GPI: variants seen among roughly 807,000 people sequenced by gnomAD.
The protein encoded by GPI is glucose-6-phosphate isomerase, also known as D-hexose-6-phosphate anomerase.
A neutral mutation model predicts 75.8 loss-of-function variants in GPI; 56 were observed. The ratio of observed to expected loss-of-function variants is 0.74; its 90% CI spans 0.60 to 0.92. The LOEUF (loss-of-function observed/expected upper bound fraction) is 0.92, where lower values mean the gene tolerates loss of function less well. Ranked by LOEUF, GPI falls within the 40% of genes least tolerant of loss-of-function variation. The probability of loss-of-function intolerance (pLI) is 0.00; values close to 1 mark genes in which losing one functional copy is unlikely to be tolerated. For synonymous variants in GPI, 288 were observed against 285.4 expected (o/e 1.01, Z -0.09); for missense variants, 638 against 741.0 (o/e 0.86, Z 1.61).
At chr19:34,361,447 C>T (rs1403165906), upstream of GPI, among the ~76,000 whole-genome samples, 2 of 152,072 alleles carry the variant, frequency 1.3e-5, no homozygotes, top group African/African-American at 2.4e-5. Flanking sequence ...GGGTATCCTT[C>T]ATAGGACTGC....
At chr19:34,374,705 C>A (rs901932746) in intron 4 of GPI, among the ~76,000 whole-genome samples, 7 of 150,962 alleles carry the variant, frequency 4.6e-5, no homozygotes, top group African/African-American at 1.7e-4. Context: ...TATTTCTTTT[C>A]TTTTCTTTCT....
At chr19:34,386,796 C>T (rs1299311027) in intron 9 of GPI, among the ~76,000 whole-genome samples, 5 of 152,078 alleles carry the variant, frequency 3.3e-5, no homozygotes, top group Admixed American at 2.6e-4. Context: ...GTCATTGGTG[C>T]GTGGTTCTGG....
intron 9 of GPI, among the ~76,000 whole-genome samples, chr19:34,390,829 C>A (rs1028371144): frequency 6.9e-6 from 1 of 144,506 alleles, no homozygotes; most frequent in South Asian, 2.3e-4. Flanking sequence ...TCTGGGTCTT[C>A]CAGTGTCTGA....
At position 34,380,958 on chromosome 19, in the gene GPI, G is replaced by A; in HGVS notation, c.751-508G>A. On this transcript the variant is annotated intron_variant, in intron 8 of 17. Transcript: ENST00000356487. ...AATTGCTGGCCCTGTCTGCCCTGGG[G>A]ACCAGAATACCTGATGGCTCCTCAG... 4 of 260,676 alleles carry A rather than the reference G, an allele frequency of 1.5e-5. No homozygotes were observed. The South Asian group carries it at 1.8e-4, about 12-fold the overall frequency. 16.1% of individuals were successfully genotyped at this position (260,676 alleles called of 1,614,324 possible). A position where few individuals can be genotyped will look rare whatever the true frequency, so the allele number is the denominator to read the frequency against.
chr19:34,379,595 C>T, intron 8 of GPI, 33 bp downstream of exon 8: 1 of 1,553,752 alleles, frequency 6.4e-7, no homozygotes, highest in Admixed American at 1.7e-5. Context: ...GTACTGCCTT[C>T]CTGGGAGTGC....
At chr19:34,381,418 T>C in intron 8 of GPI, 48 bp from the exon 9 acceptor site, 1 of 1,288,402 alleles carries the variant, frequency 7.8e-7, no homozygotes, top group Non-Finnish European at 1.1e-6. Flanking sequence ...CCCATCCCGC[T>C]AGCAAATGCT....
intron 14 of GPI, chr19:34,397,725 T>TC (rs2145432400): frequency 6.6e-6 from 1 of 151,912 alleles, no homozygotes; most frequent in Non-Finnish European, 1.5e-5. Context: ...TAGGCTGGTC[T>TC]CCAACTCCTG....
Position 34,393,496 on chromosome 19 carries a change from C to T in GPI, c.865+188C>T, listed in dbSNP as rs1200461567. 9.7e-6 allele frequency: 7 copies of T among 718,400 alleles called. No individual in the cohort carries two copies. Among genetic ancestry groups the T allele is most frequent in the Admixed American group, 2.0e-5 (1 of 49,078 alleles). 44.5% of individuals were successfully genotyped at this position (718,400 alleles called of 1,614,324 possible). ...GTTTTTTTGCGTGTGCAAGTTGGCCCCCGTCTTTGCCCCTCACAACTGCAG... is the reference window on the plus strand; with the variant it reads ...GTTTTTTTGCGTGTGCAAGTTGGCCTCCGTCTTTGCCCCTCACAACTGCAG... On this transcript the variant is annotated intron_variant, in intron 10 of 17. Transcript: ENST00000356487. The surrounding 1 kb of genome is among the most constrained non-coding windows in gnomAD (Gnocchi z 4.4).
intron 4 of GPI, among the ~76,000 whole-genome samples, chr19:34,376,813 C>A (rs1361194794): frequency 6.6e-6 from 1 of 151,494 alleles, no homozygotes; most frequent in Non-Finnish European, 1.5e-5. Flanking sequence ...TTTGGGAGGC[C>A]GAGCTGGGCA....
intron 4 of GPI, among the ~76,000 whole-genome samples, chr19:34,376,312 T>C (rs1399591531): frequency 2.0e-5 from 3 of 152,106 alleles, no homozygotes; most frequent in African/African-American, 4.8e-5. Flanking sequence ...TCCAAGCGCT[T>C]TGGGAGGCCG....
intron 4 of GPI, among the ~76,000 whole-genome samples, chr19:34,371,189 G>A (rs781710996): frequency 1.3e-5 from 2 of 152,250 alleles, no homozygotes; most frequent in African/African-American, 4.8e-5. Context: ...ACCTGACTCA[G>A]GCTGATAAGG....
At chr19:34,366,554 ACCT>A (rs1047936795) in intron 2 of GPI, 119 bp downstream of exon 2, 5 of 806,018 alleles carry the variant, frequency 6.2e-6, no homozygotes, top group South Asian at 2.7e-5. Flanking sequence ...GACCTCAGTC[ACCT>A]CCTCTGTGCT....
At chr19:34,365,462 G>A (rs1482293520) in intron 1 of GPI, 74 bp downstream of exon 1, 3 of 1,509,922 alleles carry the variant, frequency 2.0e-6, no homozygotes, top group Non-Finnish European at 2.7e-6. Flanking sequence ...GGGTCTGGAG[G>A]CGGGGGCAGC....
Position 34,401,714 on chromosome 19 carries a change from C to T in GPI, c.*1678C>T, listed in dbSNP as rs1433804268. ...ACTGCAGTGATACAATCATAGCTGA[C>T]TGAAGCCTCAAATTCCCAGGCTAAG... On this transcript the variant is annotated 3_prime_UTR_variant, in exon 18 of 18. Coordinates refer to ENST00000356487, the MANE Select transcript of GPI (RefSeq NM_000175.5). 1 of 152,250 alleles carries T rather than the reference C, an allele frequency of 6.6e-6. No homozygotes were observed. The highest frequency in any genetic ancestry group is 1.5e-5 in the Non-Finnish European group (1 of 68,060). 9.4% of individuals were successfully genotyped at this position (152,250 alleles called of 1,614,324 possible). A position where few individuals can be genotyped will look rare whatever the true frequency, so the allele number is the denominator to read the frequency against.
intron 4 of GPI, among the ~76,000 whole-genome samples, chr19:34,373,943 A>T (rs1246418456): frequency 6.6e-6 from 1 of 152,102 alleles, no homozygotes; most frequent in Admixed American, 6.6e-5. Context: ...GTGACCTAAT[A>T]TCAGGATTCA....
chr19:34,396,458 A>G (rs371127752), intron 13 of GPI, 28 bp downstream of exon 13: 1 of 1,613,766 alleles, frequency 6.2e-7, no homozygotes, highest in Non-Finnish European at 8.5e-7. Context: ...GGGAAGGGTG[A>G]TGTTGGGGGA....
chr19:34,390,268 G>T (rs1355440950), intron 9 of GPI, among the ~76,000 whole-genome samples: 1 of 145,518 alleles, frequency 6.9e-6, no homozygotes, highest in Admixed American at 6.9e-5. Context: ...GTTCAAGCAG[G>T]TGGGCTGGGG....
chr19:34,362,476 C>T (rs888865925), upstream of GPI, among the ~76,000 whole-genome samples: 2 of 152,108 alleles, frequency 1.3e-5, no homozygotes, highest in Non-Finnish European at 2.9e-5. Flanking sequence ...AGAGGCCTCA[C>T]CTCCTGCCTC....
chr19:34,376,803 T>C lies in GPI; in HGVS notation c.403-700T>C, dbSNP rs1449154568. On this transcript the variant is annotated intron_variant, in intron 4 of 17. Transcript: ENST00000356487. ...TGGCTCACACCTGTAATTCCAGCACTTTGGGAGGCCGAGCTGGGCAGATCA... is the reference window on the plus strand; with the variant it reads ...TGGCTCACACCTGTAATTCCAGCACCTTGGGAGGCCGAGCTGGGCAGATCA... Among the ~76,000 whole-genome samples, 3 of 152,130 alleles carry C rather than the reference T, an allele frequency of 2.0e-5. No individual in the cohort carries two copies. The East Asian group carries it at 5.8e-4, about 30-fold the overall frequency.
Sources: allele counts gnomAD v4.1 joint callset (sites outside exome capture counted in the v4.1 genomes callset), GRCh38; gene constraint gnomAD v4.1.1; non-coding constraint Gnocchi (gnomAD v3.1); transcripts MANE v1.5; gene names NCBI Gene and HGNC (gene_info 2026-07-23, HGNC 2026-07-21).